ATP5F1C: variants seen among roughly 807,000 people sequenced by gnomAD.
ATP5F1C encodes ATP synthase F1 subunit gamma, also known as ATP synthase F(1) complex subunit gamma, mitochondrial.
ATP5F1C carries 22 observed loss-of-function variants against 37.4 expected under a neutral mutation model. The observed-to-expected ratio is 0.59, with a 90% CI of 0.42 to 0.84. The LOEUF is 0.84. Among genes scored for constraint, ATP5F1C ranks in the 40% least tolerant of loss-of-function variants. The probability of loss-of-function intolerance (pLI) is 0.00; values close to 1 mark genes in which losing one functional copy is unlikely to be tolerated. For synonymous variants in ATP5F1C, 121 were observed against 128.0 expected, an observed-to-expected ratio of 0.95 and a Z score of 0.37; for missense variants, 286 against 362.4, an observed-to-expected ratio of 0.79 and a Z score of 1.71.
Position 7,799,832 on chromosome 10 carries a change from T to C in ATP5F1C, c.489T>C (p.Phe163=), listed in dbSNP as rs752410636. 3 of 1,614,218 alleles carry C rather than the reference T, an allele frequency of 1.9e-6. No homozygotes were observed. Among genetic ancestry groups the C allele is most frequent in the Non-Finnish European group, 2.5e-6 (3 of 1,180,032 alleles). Residue 163 remains phenylalanine (F), a synonymous_variant, in exon 5 of 10, where the codon TTT becomes TTC. Transcript: ENST00000356708. ...FKEVGRKPPT[F]GDASVIALEL... ...AAGTGGGAAGAAAGCCCCCCACTTTTGGAGATGCGTCAGTCATTGCCCTTG... is the reference window on the plus strand; with the variant it reads ...AAGTGGGAAGAAAGCCCCCCACTTTCGGAGATGCGTCAGTCATTGCCCTTG...
intron 6 of ATP5F1C, 87 bp from the exon 7 acceptor site, chr10:7,802,183 A>T (rs1836378644): frequency 7.5e-7 from 1 of 1,328,338 alleles, no homozygotes; most frequent in South Asian, 1.5e-5. Flanking sequence ...CTGTAATTAT[A>T]AAGGAGTTTT....
chr10:7,806,715 T>C (rs951761533), intron 8 of ATP5F1C, among the ~76,000 whole-genome samples: 1 of 152,200 alleles, frequency 6.6e-6, no homozygotes, highest in Non-Finnish European at 1.5e-5. Context: ...TAATTTAAAT[T>C]ACATATTCAT....
chr10:7,796,799 T>C, intron 2 of ATP5F1C: 1 of 266,414 alleles, frequency 3.8e-6, no homozygotes, highest in East Asian at 8.0e-5. Flanking sequence ...TTAGCCAAGA[T>C]GGTCTTGATC....
intron 1 of ATP5F1C, among the ~76,000 whole-genome samples, chr10:7,790,474 G>A (rs1350229211): frequency 6.6e-6 from 1 of 152,098 alleles, no homozygotes; most frequent in East Asian, 1.9e-4. Flanking sequence ...TCAAATTTGG[G>A]AAAAACATTT....
At chr10:7,804,239 G>A in intron 8 of ATP5F1C, 1 of 518,340 alleles carries the variant, frequency 1.9e-6, no homozygotes, top group Non-Finnish European at 3.9e-6. Context: ...GCCTATTCTT[G>A]TGACAGTGTT....
chr10:7,791,495 A>ATC (rs1346117172), intron 1 of ATP5F1C, among the ~76,000 whole-genome samples: 1 of 152,126 alleles, frequency 6.6e-6, no homozygotes, highest in African/African-American at 2.4e-5. Context: ...CTCCTTAAAA[A>ATC]TCTCTCAAAC....
chr10:7,803,544 G>A (rs10905233), intron 8 of ATP5F1C, among the ~76,000 whole-genome samples: 9,338 of 151,430 alleles, frequency 0.062, 387 homozygotes, highest in Admixed American at 0.12. Flanking sequence ...ATTTTACATC[G>A]GCTGTTGGTT....
At chr10:7,794,540 C>T (rs957351763) in intron 1 of ATP5F1C, among the ~76,000 whole-genome samples, 1 of 150,704 alleles carries the variant, frequency 6.6e-6, no homozygotes, top group Admixed American at 6.6e-5. Context: ...TTCTCTATTC[C>T]TAGTTTGCTG....
At position 7,806,786 on chromosome 10, in the gene ATP5F1C, C is replaced by CTT. The variant is rs560561116; in HGVS notation, c.891-184_891-183dup. Among the ~76,000 whole-genome samples, 74 of 152,216 alleles carry CTT rather than the reference C, an allele frequency of 4.9e-4. 1 individual carries two copies. Among genetic ancestry groups the CTT allele is most frequent in the African/African-American group, 1.6e-3 (68 of 41,520 alleles). ...TTCTAACCTGGATTGAAATCTATGA[C>CTT]TTTTTATAACAGTCATTGAGTCTGT... On this transcript the variant is annotated intron_variant, in intron 8 of 9. Coordinates refer to ENST00000356708, the MANE Select transcript of ATP5F1C (RefSeq NM_001001973.3).
At chr10:7,802,175 G>A in intron 6 of ATP5F1C, 95 bp from the exon 7 acceptor site, 4 of 1,271,234 alleles carry the variant, frequency 3.1e-6, no homozygotes, top group South Asian at 1.6e-5. Flanking sequence ...TTTCTGCTCT[G>A]TAATTATAAA....
In ATP5F1C at chr10:7,802,329, A is replaced by G. The variant is rs1446400424; in HGVS notation, c.697A>G (p.Asn233Asp). 2 of 1,613,946 alleles carry G rather than the reference A, an allele frequency of 1.2e-6. No individual in the cohort carries two copies. Among genetic ancestry groups the G allele is most frequent in the Non-Finnish European group, 1.7e-6 (2 of 1,180,006 alleles). The change falls in exon 7 of 10, where the codon AAT becomes GAT. Residue 233 changes from asparagine to aspartate, a missense_variant. Coordinates refer to ENST00000356708, the MANE Select transcript of ATP5F1C (RefSeq NM_001001973.3). The stretch of plus-strand genomic sequence containing the variant: ...CGTGCTGCAAAATTACCAAGAATAC[A>G]ATCTGGCCAACATCATCTACTACTC... Reference protein sequence around the residue: ...ADVLQNYQEYNLANIIYYSLK... With the variant: ...ADVLQNYQEYDLANIIYYSLK...
intron 3 of ATP5F1C, among the ~76,000 whole-genome samples, chr10:7,798,077 G>T (rs1409826316): frequency 2.0e-5 from 3 of 152,090 alleles, no homozygotes; most frequent in Non-Finnish European, 4.4e-5. Context: ...CTATCTAAAA[G>T]AATTTTTAAC....
At position 7,802,438 on chromosome 10, in the gene ATP5F1C, T is replaced by G. The variant is rs1222698612; in HGVS notation, c.793+13T>G. On this transcript the variant is annotated intron_variant, in intron 7 of 9. Coordinates refer to ENST00000356708, the MANE Select transcript of ATP5F1C (RefSeq NM_001001973.3). ...AGCAAGAATGCTTGTAAGTACACAGTATGGACAGTGCCAGCAGGAGTGCTT... is the reference window on the plus strand; with the variant it reads ...AGCAAGAATGCTTGTAAGTACACAGGATGGACAGTGCCAGCAGGAGTGCTT... The G allele has an allele frequency of 7.5e-6, 12 of 1,605,376 alleles. No individual in the cohort carries two copies. The highest frequency in any genetic ancestry group is 8.5e-6 in the Non-Finnish European group (10 of 1,176,526).
At chr10:7,795,080 C>G (rs1292688558) in intron 1 of ATP5F1C, among the ~76,000 whole-genome samples, 2 of 152,172 alleles carry the variant, frequency 1.3e-5, no homozygotes, top group East Asian at 3.8e-4. Flanking sequence ...GATTTGTGGG[C>G]TTATAAACAT....
chr10:7,802,208 T>C (rs925838420), intron 6 of ATP5F1C, 62 bp from the exon 7 acceptor site: 3 of 1,509,168 alleles, frequency 2.0e-6, no homozygotes, highest in African/African-American at 1.4e-5. Context: ...TGAAAAGCTG[T>C]TTTTGATGAA....
chr10:7,797,769 T>C (rs1486358017), intron 3 of ATP5F1C, among the ~76,000 whole-genome samples: 1 of 152,172 alleles, frequency 6.6e-6, no homozygotes, highest in Non-Finnish European at 1.5e-5. Context: ...AGAACCTCCA[T>C]TTTCAAGATA....
At chr10:7,797,319 T>TG in intron 3 of ATP5F1C, 141 bp downstream of exon 3, 1 of 1,036,274 alleles carries the variant, frequency 9.6e-7, no homozygotes, top group East Asian at 2.6e-5. Flanking sequence ...TACATCCACT[T>TG]GACACGTAAT....
At chr10:7,788,676 G>C (rs1395857703) in intron 1 of ATP5F1C, among the ~76,000 whole-genome samples, 1 of 152,208 alleles carries the variant, frequency 6.6e-6, no homozygotes. Flanking sequence ...GGAAGGTTAA[G>C]TCGTGCTTTT....
At chr10:7,806,841 G>C in intron 8 of ATP5F1C, 133 bp from the exon 9 acceptor site, 1 of 646,712 alleles carries the variant, frequency 1.5e-6, no homozygotes, top group Non-Finnish European at 2.7e-6. Context: ...AAGTATTTTT[G>C]CATGATGTAC....
Sources: allele counts gnomAD v4.1 joint callset (sites outside exome capture counted in the v4.1 genomes callset), GRCh38; gene constraint gnomAD v4.1.1; transcripts MANE v1.5; gene names NCBI Gene and HGNC (gene_info 2026-07-23, HGNC 2026-07-21).